The following HORMAD2 variants were observed in gnomAD, a reference collection of about 807,000 sequenced individuals.
HORMAD2 encodes the protein HORMA domain containing 2.
Under a neutral mutation model 38.8 loss-of-function variants are expected in HORMAD2, and 45 were observed. The ratio of observed to expected loss-of-function variants is 1.16; its 90% CI spans 0.91 to 1.49. The LOEUF is 1.49. Among genes scored for constraint, HORMAD2 ranks in the 40% most tolerant of loss-of-function variants. The pLI, the probability that HORMAD2 is intolerant of heterozygous loss-of-function variation, is 0.00. For missense variants in HORMAD2, 338 were observed against 367.0 expected, an observed-to-expected ratio of 0.92 and a Z score of 0.65; for synonymous variants, 126 against 122.8, an observed-to-expected ratio of 1.03 and a Z score of -0.17.
At chr22:30,096,449 T>G (rs1304403429) in intron 2 of HORMAD2, among the ~76,000 whole-genome samples, 3 of 151,980 alleles carry the variant, frequency 2.0e-5, no homozygotes, top group Non-Finnish European at 2.9e-5. Context: ...CTTTTAGCCA[T>G]TTTGGTGGGT....
At chr22:30,138,259 A>AGACAGAGTCTTGCTCTGTTGCCTAGGC (rs1923809434) in intron 10 of HORMAD2, among the ~76,000 whole-genome samples, 1 of 131,220 alleles carries the variant, frequency 7.6e-6, no homozygotes, top group Non-Finnish European at 1.6e-5. Context: ...TTTTTTTTTG[A>AGACAGAGTCTTGCTCTGTTGCCTAGGC]GACAGAGTCT....
chr22:30,176,355 A>T lies in HORMAD2; in HGVS notation c.*188A>T. 1 of 544,734 alleles carries T rather than the reference A, an allele frequency of 1.8e-6. No homozygotes were observed. The highest frequency in any genetic ancestry group is 2.4e-5 in the South Asian group (1 of 42,124). The allele number at this position is 544,734 out of a possible 1,614,324, so 33.7% of individuals were successfully genotyped here. A position where few individuals can be genotyped will look rare whatever the true frequency, so the allele number is the denominator to read the frequency against. ...TAGGACGCGAGTCCACTTTGCCATAAGGAAAGCGGGTCAATAGGGCTGCCT... is the reference window on the plus strand; with the variant it reads ...TAGGACGCGAGTCCACTTTGCCATATGGAAAGCGGGTCAATAGGGCTGCCT... On this transcript the variant is annotated 3_prime_UTR_variant, in exon 11 of 11. Coordinates refer to ENST00000336726, the MANE Select transcript of HORMAD2 (RefSeq NM_152510.4).
intron 1 of HORMAD2, among the ~76,000 whole-genome samples, chr22:30,091,266 CTTTTT>C (rs67947501): frequency 4.4e-5 from 5 of 114,032 alleles, no homozygotes; most frequent in Non-Finnish European, 7.1e-5. Flanking sequence ...CTCTTTCTTT[CTTTTT>C]TTTTTTTTTT....
At chr22:30,199,462 T>C in the HORMAD2 span, among the ~76,000 whole-genome samples, 1 of 152,240 alleles carries the variant, frequency 6.6e-6, no homozygotes, top group African/African-American at 2.4e-5. Context: ...TTTTTTAGTC[T>C]GTGTAAGCAC....
intron 10 of HORMAD2, among the ~76,000 whole-genome samples, chr22:30,148,507 AG>A (rs1156325752): frequency 6.6e-6 from 1 of 152,168 alleles, no homozygotes; most frequent in Non-Finnish European, 1.5e-5. Flanking sequence ...ATCCAAAAAT[AG>A]GTGCATTTTT....
intron 7 of HORMAD2, among the ~76,000 whole-genome samples, chr22:30,115,872 A>T (rs1922004947): frequency 6.6e-6 from 1 of 152,126 alleles, no homozygotes; most frequent in Non-Finnish European, 1.5e-5. Context: ...CTACTGTTTG[A>T]GCTGAGATGA....
intron 2 of HORMAD2, among the ~76,000 whole-genome samples, chr22:30,098,494 C>CT (rs1480137102): frequency 9.9e-5 from 15 of 152,028 alleles, no homozygotes; most frequent in African/African-American, 3.4e-4. Context: ...TACTTGGTGA[C>CT]TTTGGAGAGA....
chr22:30,207,456 A>T, the HORMAD2 span, among the ~76,000 whole-genome samples: 1 of 151,886 alleles, frequency 6.6e-6, no homozygotes, highest in Non-Finnish European at 1.5e-5. Flanking sequence ...CCTGAAACAC[A>T]GCTTTTTTGT....
At chr22:30,120,210 G>A (rs760478757) in intron 8 of HORMAD2, among the ~76,000 whole-genome samples, 3 of 152,158 alleles carry the variant, frequency 2.0e-5, no homozygotes, top group Non-Finnish European at 4.4e-5. Flanking sequence ...AGAAATATAG[G>A]CATTTGTTTA....
chr22:30,080,846 T>TGGAGGGGGCCGTGTGTGGTGGAGCTTTGG (rs2068458376), intron 1 of HORMAD2, among the ~76,000 whole-genome samples: 1 of 152,026 alleles, frequency 6.6e-6, no homozygotes, highest in South Asian at 2.1e-4. Flanking sequence ...TGCCCGACAT[T>TGGAGGGGGCCGTGTGTGGTGGAGCTTTGG]GGAGGGGGCC....
chr22:30,104,559 A>G (rs1921047810), intron 5 of HORMAD2, 122 bp downstream of exon 5: 1 of 703,284 alleles, frequency 1.4e-6, no homozygotes, highest in African/African-American at 1.8e-5. Flanking sequence ...TTGCATCCAT[A>G]AACTAATTTC....
chr22:30,139,254 CTATATATATATATATATATATA>C (rs3067131), intron 10 of HORMAD2, among the ~76,000 whole-genome samples: 15 of 96,738 alleles, frequency 1.6e-4, no homozygotes, highest in African/African-American at 7.5e-4. Context: ...ATGAACTGTA[CTATATATATATATATATATATA>C]TATATATATA....
intron 10 of HORMAD2, among the ~76,000 whole-genome samples, chr22:30,174,501 ATTACCT>A (rs1926312547): frequency 6.6e-6 from 1 of 152,184 alleles, no homozygotes; most frequent in African/African-American, 2.4e-5. Context: ...AGGCCTCACT[ATTACCT>A]TGAGATATTG....
chr22:30,182,598 T>A, the HORMAD2 span, among the ~76,000 whole-genome samples: 39 of 152,306 alleles, frequency 2.6e-4, no homozygotes, highest in Non-Finnish European at 5.3e-4. Flanking sequence ...CTAACCCTGC[T>A]ATGTGCCTGA....
Position 30,112,523 on chromosome 22 carries a change from G to A in HORMAD2, c.342+1G>A. 1 of 1,347,326 alleles carries A rather than the reference G, an allele frequency of 7.4e-7. No individual in the cohort carries two copies. The highest frequency in any genetic ancestry group is 3.4e-5 in the Admixed American group (1 of 29,846). The allele number at this position is 1,347,326 out of a possible 1,614,324, so 83.5% of individuals were successfully genotyped here. A position where few individuals can be genotyped will look rare whatever the true frequency, so the allele number is the denominator to read the frequency against. ...TTACACAGATCCCATGGGATCTGAG[G>A]TAAGAACACACACAAACGTATAGGT... On this transcript the variant is annotated splice_donor_variant, in intron 7 of 10. Coordinates refer to ENST00000336726, the MANE Select transcript of HORMAD2 (RefSeq NM_152510.4). LOFTEE classifies it high-confidence loss of function.
At chr22:30,129,621 G>T (rs1168185713) in intron 10 of HORMAD2, among the ~76,000 whole-genome samples, 1 of 151,738 alleles carries the variant, frequency 6.6e-6, no homozygotes, top group Non-Finnish European at 1.5e-5. Flanking sequence ...AAAGTACTAG[G>T]ATTACAGAAA....
At chr22:30,147,522 G>A (rs1300230252) in intron 10 of HORMAD2, among the ~76,000 whole-genome samples, 3 of 151,930 alleles carry the variant, frequency 2.0e-5, no homozygotes, top group Admixed American at 1.3e-4. Context: ...ACTTCTGGAC[G>A]GAAACATGGG....
intron 7 of HORMAD2, among the ~76,000 whole-genome samples, chr22:30,113,240 C>CT (rs940514748): frequency 2.7e-5 from 4 of 150,836 alleles, no homozygotes; most frequent in African/African-American, 7.3e-5. Flanking sequence ...GTGAATTCTT[C>CT]TTTTTTTTTC....
At chr22:30,126,180 T>C (rs1171832195) in intron 10 of HORMAD2, among the ~76,000 whole-genome samples, 1 of 152,164 alleles carries the variant, frequency 6.6e-6, no homozygotes, top group Admixed American at 6.5e-5. Context: ...CTTTTTTTTT[T>C]TGAGACGGAG....
Sources: gnomAD v4.1 joint callset for allele counts (sites outside exome capture counted in the v4.1 genomes callset) on GRCh38, gnomAD v4.1.1 for gene constraint, MANE v1.5 for transcripts, NCBI Gene and HGNC (gene_info 2026-07-23, HGNC 2026-07-21) for gene names.